LINGO2: variants seen among roughly 807,000 people sequenced by gnomAD.
LINGO2 encodes the protein leucine-rich repeat and immunoglobulin-like domain-containing nogo receptor-interacting protein 2.
A neutral mutation model predicts 30.6 loss-of-function variants in LINGO2; 14 were observed. The ratio of observed to expected loss-of-function variants is 0.46; its 90% CI spans 0.30 to 0.72. LINGO2 has a LOEUF of 0.72. Ranked by LOEUF, LINGO2 falls within the 30% of genes least tolerant of loss-of-function variation. The pLI, the probability that LINGO2 is intolerant of heterozygous loss-of-function variation, is 0.07. For synonymous variants in LINGO2, 317 were observed against 288.5 expected (o/e 1.10, Z -1.00); for missense variants, 729 against 751.7 (o/e 0.97, Z 0.35).
At chr9:28,021,741 T>C (rs1823134763) in intron 4 of LINGO2, among the ~76,000 whole-genome samples, 1 of 152,126 alleles carries the variant, frequency 6.6e-6, no homozygotes, top group Admixed American at 6.5e-5. Flanking sequence ...TAATGCTCTT[T>C]ATCCCAGATA....
the LINGO2 span, among the ~76,000 whole-genome samples, chr9:28,848,414 T>TAC: frequency 1.1e-4 from 15 of 133,730 alleles, no homozygotes; most frequent in African/African-American, 3.8e-4. Flanking sequence ...TATATATATA[T>TAC]ATATATATAT....
At chr9:28,174,619 G>T (rs1323432781) in intron 4 of LINGO2, among the ~76,000 whole-genome samples, 1 of 152,068 alleles carries the variant, frequency 6.6e-6, no homozygotes, top group Non-Finnish European at 1.5e-5. Flanking sequence ...TCTGATTGAG[G>T]TCTATATTTT....
intron 1 of LINGO2, among the ~76,000 whole-genome samples, chr9:28,617,289 T>C (rs1185568372): frequency 6.6e-6 from 1 of 150,712 alleles, no homozygotes; most frequent in East Asian, 1.9e-4. Context: ...AGAATATTTC[T>C]TTCTTTTCTT....
chr9:28,915,346 G>A, the LINGO2 span, among the ~76,000 whole-genome samples: 2 of 152,096 alleles, frequency 1.3e-5, no homozygotes, highest in African/African-American at 2.4e-5. Flanking sequence ...CACCTGCAGG[G>A]CTTGTTAAAA....
At chr9:28,533,136 A>G (rs1731111807) in intron 1 of LINGO2, among the ~76,000 whole-genome samples, 1 of 152,008 alleles carries the variant, frequency 6.6e-6, no homozygotes. Flanking sequence ...GCAAGCAGAA[A>G]AAGGTGGAAG....
At chr9:28,580,959 C>T (rs1824228936) in intron 1 of LINGO2, among the ~76,000 whole-genome samples, 1 of 151,960 alleles carries the variant, frequency 6.6e-6, no homozygotes, top group African/African-American at 2.4e-5. Context: ...TCTGGCTGCT[C>T]CCTAGTCACT....
At chr9:29,191,912 T>A in the LINGO2 span, among the ~76,000 whole-genome samples, 1 of 152,026 alleles carries the variant, frequency 6.6e-6, no homozygotes, top group East Asian at 1.9e-4. Flanking sequence ...TTTTCAAGCT[T>A]TCTTAATATT....
intron 4 of LINGO2, among the ~76,000 whole-genome samples, chr9:28,233,504 CTTGA>C (rs1291107158): frequency 6.6e-6 from 1 of 151,958 alleles, no homozygotes; most frequent in Non-Finnish European, 1.5e-5. Flanking sequence ...AAAAGCCTGA[CTTGA>C]TTAAGAAGGA....
chr9:29,094,734 A>G, the LINGO2 span, among the ~76,000 whole-genome samples: 1 of 139,004 alleles, frequency 7.2e-6, no homozygotes, highest in African/African-American at 2.7e-5. Flanking sequence ...TTGCAAGATA[A>G]TATTTTGGAT....
At chr9:28,780,831 TGTGTG>T in the LINGO2 span, among the ~76,000 whole-genome samples, 1 of 28,686 alleles carries the variant, frequency 3.5e-5, no homozygotes, top group Non-Finnish European at 5.8e-5. Context: ...TTGGTAGTAA[TGTGTG>T]TGTGTGTGTG....
chr9:29,153,594 C>A, the LINGO2 span, among the ~76,000 whole-genome samples: 8 of 152,082 alleles, frequency 5.3e-5, no homozygotes, highest in African/African-American at 1.9e-4. Context: ...GTGTATATTA[C>A]TTCAAAGTAC....
At chr9:29,008,955 C>T in the LINGO2 span, among the ~76,000 whole-genome samples, 4 of 151,974 alleles carry the variant, frequency 2.6e-5, no homozygotes. Flanking sequence ...TCAACAGATG[C>T]AAAAAAGGCC....
chr9:28,197,595 A>G (rs1820060135), intron 4 of LINGO2, among the ~76,000 whole-genome samples: 1 of 152,002 alleles, frequency 6.6e-6, no homozygotes, highest in African/African-American at 2.4e-5. Flanking sequence ...TAACACAAAT[A>G]AAAGCAGTAA....
intron 1 of LINGO2, among the ~76,000 whole-genome samples, chr9:28,603,064 A>G (rs1254192380): frequency 6.6e-6 from 1 of 152,060 alleles, no homozygotes; most frequent in Non-Finnish European, 1.5e-5. Context: ...CTAGACACTC[A>G]AGTTTTCTGG....
chr9:28,047,378 A>G (rs183522514), intron 4 of LINGO2, among the ~76,000 whole-genome samples: 1 of 141,076 alleles, frequency 7.1e-6, no homozygotes, highest in East Asian at 2.3e-4. Context: ...TCTACTAAAC[A>G]ACTGAGTTTT....
At chr9:28,598,102 A>G (rs965469044) in intron 1 of LINGO2, among the ~76,000 whole-genome samples, 1 of 152,140 alleles carries the variant, frequency 6.6e-6, no homozygotes, top group Non-Finnish European at 1.5e-5. Flanking sequence ...TTATGAATGA[A>G]TAAGTAGGTA....
At chr9:28,927,952 C>T in the LINGO2 span, among the ~76,000 whole-genome samples, 6 of 152,256 alleles carry the variant, frequency 3.9e-5, no homozygotes, top group East Asian at 1.2e-3. Context: ...AACCAACATG[C>T]CCTGCGGTCA....
At chr9:28,041,186 T>TG (rs1824181877) in intron 4 of LINGO2, among the ~76,000 whole-genome samples, 4 of 152,194 alleles carry the variant, frequency 2.6e-5, no homozygotes, top group Non-Finnish European at 4.4e-5. Context: ...ATCTATTCTG[T>TG]CTATTGCACC....
intron 3 of LINGO2, among the ~76,000 whole-genome samples, chr9:28,368,305 C>T (rs942081557): frequency 6.6e-6 from 1 of 152,104 alleles, no homozygotes; most frequent in East Asian, 1.9e-4. Context: ...TTTGCTGGAC[C>T]TGTCAGTTGG....
Sources: gnomAD v4.1 joint callset for allele counts (sites outside exome capture counted in the v4.1 genomes callset) on GRCh38, gnomAD v4.1.1 for gene constraint, MANE v1.5 for transcripts, NCBI Gene and HGNC (gene_info 2026-07-23, HGNC 2026-07-21) for gene names.